Variants in ACE observed in about 807,000 individuals in gnomAD.
The protein encoded by ACE is angiotensin I converting enzyme, also known as angiotensin-converting enzyme.
A neutral mutation model predicts 162.3 loss-of-function variants in ACE; 122 were observed. The ratio of observed to expected loss-of-function variants is 0.75; its 90% CI spans 0.65 to 0.87. The LOEUF is 0.87. ACE is among the 40% of genes least tolerant of loss of function. The pLI, the probability that ACE is intolerant of heterozygous loss-of-function variation, is 0.00. For synonymous variants in ACE, 796 were observed against 720.6 expected (o/e 1.10, Z -1.68); for missense variants, 1,799 against 1,735.1 (o/e 1.04, Z -0.65).
At position 63,480,540 on chromosome 17, in the gene ACE, G is replaced by A. The variant is rs12709422; in HGVS notation, c.847+12G>A. On this transcript the variant is annotated intron_variant, in intron 5 of 24. Transcript: ENST00000290866. The stretch of plus-strand genomic sequence containing the variant: ...TGCTCATCTGCTGGGTAAGGACCTG[G>A]CCTCGCCTCCACATGAGTCCCACGG... 1,842 of 1,613,296 alleles carry A rather than the reference G, an allele frequency of 1.1e-3. 16 individuals carry two copies. In the African/African-American group the frequency reaches 0.022, roughly 20 times the overall value.
rs752661267 is a variant in ACE, at chr17:63,483,475, G to T, written c.1503G>T (p.Gly501=). Residue 501 remains glycine (G), a synonymous_variant, in exon 10 of 25, where the codon GGG becomes GGT. Transcript: ENST00000290866. ...DWWYLRTKYQ[G]ICPPVTRNET... ...CCTTTTCCAGAACCAAGTATCAGGG[G>T]ATCTGTCCTCCTGTTACCCGAAACG... 3.1e-6 allele frequency: 5 copies of T among 1,613,902 alleles called. No individual in the cohort carries two copies. In the Admixed American group the frequency reaches 6.7e-5, roughly 22 times the overall value.
rs2030162108 is a variant in ACE at position 63,488,737 on chromosome 17, C to T, written c.2395C>T (p.Leu799Phe). 1 of 1,613,814 alleles carries T rather than the reference C, an allele frequency of 6.2e-7. No individual in the cohort carries two copies. Among genetic ancestry groups the T allele is most frequent in the South Asian group, 1.1e-5 (1 of 91,058 alleles). Residue 799 changes from leucine to phenylalanine, a missense_variant, in exon 16 of 25, where the codon CTC becomes TTC. Coordinates refer to ENST00000290866, the MANE Select transcript of ACE (RefSeq NM_000789.4). ...GWRDKAGRAI[L>F]QFYPKYVELI... is the part of the protein sequence containing the mutation. The stretch of plus-strand genomic sequence containing the variant: ...GCGAGACAAGGCGGGGAGAGCCATC[C>T]TCCAGTTTTACCCGAAATACGTGGA...
rs147806836 is a variant in ACE, at chr17:63,493,559, C to T, written c.3036C>T (p.Pro1012=). Residue 1012 remains proline (P), a synonymous_variant, in exon 20 of 25, where the codon CCC becomes CCT. Coordinates refer to ENST00000290866, the MANE Select transcript of ACE (RefSeq NM_000789.4). ...TGGCCTTGAGGGAGGGTGCCAACCC[C>T]GGCTTCCATGAGGCCATTGGGGACG... The part of the protein sequence containing the change: ...LPVALREGAN[P]GFHEAIGDVL... 33 of 1,614,194 alleles carry T rather than the reference C, an allele frequency of 2.0e-5. No homozygotes were observed. The highest frequency in any genetic ancestry group is 1.6e-4 in the Middle Eastern group (1 of 6,062).
chr17:63,483,661 C>A, intron 10 of ACE, 103 bp downstream of exon 10: 2 of 1,382,782 alleles, frequency 1.4e-6, no homozygotes, highest in African/African-American at 1.4e-5. Flanking sequence ...TGTCCCCATG[C>A]TCCTCCAGAC....
chr17:63,494,071 T>G lies in ACE; in HGVS notation c.3281+5T>G, dbSNP rs779473464. The G allele has an allele frequency of 2.5e-6, 4 of 1,613,964 alleles. No homozygotes were observed. The highest frequency in any genetic ancestry group is 3.3e-5 in the Admixed American group (2 of 60,006). ...CCAGGAGTGGTGGAGCCTCAGGTTC[T>G]GGAACACTCCCACGGGATGCGGGCT... On this transcript the variant is annotated splice_donor_5th_base_variant and intron_variant, in intron 21 of 24. Transcript: ENST00000290866.
intron 15 of ACE, among the ~76,000 whole-genome samples, chr17:63,487,569 C>T (rs1008824100): frequency 1.3e-5 from 2 of 152,202 alleles, no homozygotes; most frequent in Admixed American, 1.3e-4. Flanking sequence ...TGATTCCTCT[C>T]ACTTCCCTCA....
At chr17:63,478,762 G>T (rs2049659471) in intron 2 of ACE, 2 of 583,144 alleles carry the variant, frequency 3.4e-6, no homozygotes, top group South Asian at 3.6e-5. Context: ...GCCAAGCTGG[G>T]ACTTGACCCT....
Position 63,482,645 on chromosome 17 carries a change from A to T in ACE, c.1298A>T (p.His433Leu). The change falls in exon 8 of 25, where the codon CAT becomes CTT. Residue 433 changes from histidine (H) to leucine (L), a missense_variant. Physicochemically the swap from His to Leu is moderately conservative, Grantham distance 99. Coordinates refer to ENST00000290866, the MANE Select transcript of ACE (RefSeq NM_000789.4). ...VLALSVSTPE[H>L]LHKIGLLDRV... is the part of the protein sequence containing the mutation. ...GCGCTCTCGGTCTCCACTCCTGAACATCTGCACAAAATCGGCCTGCTGGAC... is the reference window on the plus strand; with the variant it reads ...GCGCTCTCGGTCTCCACTCCTGAACTTCTGCACAAAATCGGCCTGCTGGAC... 1 of 1,613,902 alleles carries T rather than the reference A, an allele frequency of 6.2e-7. No homozygotes were observed. Among genetic ancestry groups the T allele is most frequent in the Non-Finnish European group, 8.5e-7 (1 of 1,179,960 alleles).
chr17:63,488,812 T>A, intron 16 of ACE, 21 bp downstream of exon 16: 1 of 1,614,030 alleles, frequency 6.2e-7, no homozygotes, highest in Non-Finnish European at 8.5e-7. Flanking sequence ...GCTGCCAACA[T>A]CACTGGCACT....
chr17:63,482,545 C>A lies in ACE; in HGVS notation c.1198C>A (p.Gln400Lys), dbSNP rs771386010. The change falls in exon 8 of 25, where the codon CAG becomes AAG. Residue 400 changes from glutamine (Q) to lysine (K), a missense_variant. Coordinates refer to ENST00000290866, the MANE Select transcript of ACE (RefSeq NM_000789.4). ...HEMGHIQYYL[Q>K]YKDLPVSLRR... is the part of the protein sequence containing the mutation. ...GATGGGCCATATACAGTACTACCTGCAGTACAAGGATCTGCCCGTCTCCCT... is the reference window on the plus strand; with the variant it reads ...GATGGGCCATATACAGTACTACCTGAAGTACAAGGATCTGCCCGTCTCCCT... 2.7e-5 allele frequency: 44 copies of A among 1,614,002 alleles called. No homozygotes were observed. Among genetic ancestry groups the A allele is most frequent in the Non-Finnish European group, 3.6e-5 (43 of 1,180,024 alleles).
At chr17:63,489,279 G>A (rs1169614847) in intron 17 of ACE, 147 bp downstream of exon 17, 4 of 996,088 alleles carry the variant, frequency 4.0e-6, no homozygotes, top group Non-Finnish European at 5.9e-6. Context: ...GCTGGAGGGG[G>A]GTGGGCGCTG....
chr17:63,489,125 C>G lies in ACE; in HGVS notation c.2634C>G (p.His878Gln), dbSNP rs200196657. The G allele has an allele frequency of 1.1e-5, 18 of 1,609,302 alleles. No individual in the cohort carries two copies. Among genetic ancestry groups the G allele is most frequent in the Non-Finnish European group, 1.4e-5 (17 of 1,179,996 alleles). ...HINLEGPIPA[H>Q]LLGNMWAQTW... Reference sequence around the variant, plus strand: ...ACCTGGAGGGGCCCATTCCTGCTCACCTGCTGGGTAAGGGCACATGTCGGG... The same window carrying G: ...ACCTGGAGGGGCCCATTCCTGCTCAGCTGCTGGGTAAGGGCACATGTCGGG... The change falls in exon 17 of 25, where the codon CAC becomes CAG. Residue 878 changes from histidine (H) to glutamine (Q), a missense_variant. His to Gln is a conservative substitution (Grantham distance 24). Transcript: ENST00000290866.
At chr17:63,480,985 G>GGGCCCCAGGGTACAGGTGCC in intron 5 of ACE, 106 bp from the exon 6 acceptor site, 1 of 1,106,464 alleles carries the variant, frequency 9.0e-7, no homozygotes, top group Non-Finnish European at 1.4e-6. Flanking sequence ...CAGCCCTTGA[G>GGGCCCCAGGGTACAGGTGCC]GGCCCCAGGG....
chr17:63,480,217 C>A, intron 4 of ACE, 120 bp from the exon 5 acceptor site: 1 of 1,147,230 alleles, frequency 8.7e-7, no homozygotes, highest in South Asian at 1.3e-5. Flanking sequence ...ACCCCCAAGC[C>A]AATTTTCCAG....
chr17:63,493,738 T>TA, intron 20 of ACE, 79 bp downstream of exon 20: 3 of 1,535,402 alleles, frequency 2.0e-6, no homozygotes, highest in Non-Finnish European at 2.7e-6. Context: ...AAGGGGCACT[T>TA]AGTGGCCCAT....
At position 63,484,986 on chromosome 17, in the gene ACE, G is replaced by A. The variant is rs746945418; in HGVS notation, c.1922-250G>A. 4 of 1,609,494 alleles carry A rather than the reference G, an allele frequency of 2.5e-6. No individual in the cohort carries two copies. The highest frequency in any genetic ancestry group is 1.7e-5 in the Admixed American group (1 of 59,210). On this transcript the variant is annotated intron_variant, in intron 12 of 24. Coordinates refer to ENST00000290866, the MANE Select transcript of ACE (RefSeq NM_000789.4). The surrounding 1 kb of genome is among the most constrained non-coding windows in gnomAD (Gnocchi z 4.0). ...TCCCAACAGGTGACAGTCACCCATGGGACAAGCAGCCAGGCAACAACCAGC... is the reference window on the plus strand; with the variant it reads ...TCCCAACAGGTGACAGTCACCCATGAGACAAGCAGCCAGGCAACAACCAGC...
In ACE at chr17:63,494,054, G is replaced by C; in HGVS notation, c.3269G>C (p.Trp1090Ser). 1 of 1,614,062 alleles carries C rather than the reference G, an allele frequency of 6.2e-7. No individual in the cohort carries two copies. The highest frequency in any genetic ancestry group is 8.5e-7 in the Non-Finnish European group (1 of 1,180,028). ...ACCAAGGAGAACTATAACCAGGAGT[G>C]GTGGAGCCTCAGGTTCTGGAACACT... ...SITKENYNQEWWSLRLKYQGL... is the reference protein window; with the variant it reads ...SITKENYNQESWSLRLKYQGL... The change falls in exon 21 of 25, where the codon TGG (tryptophan) becomes TCG (serine). Residue 1090 changes from tryptophan (W) to serine (S), a missense_variant. By Grantham distance (177) the Trp-to-Ser change is radical. Transcript: ENST00000290866.
At position 63,484,725 on chromosome 17, in the gene ACE, G is replaced by A; in HGVS notation, c.1921+184G>A. The A allele has an allele frequency of 2.1e-6, 3 of 1,453,240 alleles. No homozygotes were observed. Among genetic ancestry groups the A allele is most frequent in the Non-Finnish European group, 2.7e-6 (3 of 1,107,172 alleles). 90.0% of individuals were successfully genotyped at this position (1,453,240 alleles called of 1,614,324 possible). ...TGGGGACAGGCATGTCTTTCCCCCA[G>A]CATCCTAGAGAGGGTGTGCTCAGAC... is the stretch of plus-strand genomic sequence containing the variant. On this transcript the variant is annotated intron_variant, in intron 12 of 24. Coordinates refer to ENST00000290866, the MANE Select transcript of ACE (RefSeq NM_000789.4). The surrounding 1 kb of genome is among the most constrained non-coding windows in gnomAD (Gnocchi z 4.0).
In ACE at chr17:63,488,706, G is replaced by T. The variant is rs565463716; in HGVS notation, c.2364G>T (p.Glu788Asp). 1 of 1,613,734 alleles carries T rather than the reference G, an allele frequency of 6.2e-7. No homozygotes were observed. The highest frequency in any genetic ancestry group is 1.3e-5 in the African/African-American group (1 of 74,910). The change falls in exon 16 of 25, where the codon GAG becomes GAT. Residue 788 changes from glutamate (E) to aspartate (D), a missense_variant. Transcript: ENST00000290866. Reference protein sequence around the residue: ...RKYEDLLWAWEGWRDKAGRAI... With the variant: ...RKYEDLLWAWDGWRDKAGRAI... ...ATGAAGACCTGTTATGGGCATGGGA[G>T]GGCTGGCGAGACAAGGCGGGGAGAG...
Sources: gnomAD v4.1 joint callset for allele counts (sites outside exome capture counted in the v4.1 genomes callset) on GRCh38, gnomAD v4.1.1 for gene constraint, Gnocchi (gnomAD v3.1) non-coding constraint, MANE v1.5 for transcripts, NCBI Gene and HGNC (gene_info 2026-07-23, HGNC 2026-07-21) for gene names.